Variants in STK32A observed in about 807,000 individuals in gnomAD.
STK32A encodes the protein serine/threonine kinase 32A, also known as serine/threonine-protein kinase 32A.
A neutral mutation model predicts 53.2 loss-of-function variants in STK32A; 41 were observed. The observed-to-expected ratio is 0.77, with a 90% CI of 0.60 to 1.00. The LOEUF is 1.00. STK32A is among the 50% of genes least tolerant of loss of function. The pLI is 0.00. For missense variants in STK32A, 458 were observed against 485.8 expected (o/e 0.94, Z 0.54); for synonymous variants, 166 against 162.8 (o/e 1.02, Z -0.15).
intron 4 of STK32A, among the ~76,000 whole-genome samples, chr5:147,280,455 G>T (rs1029896722): frequency 2.0e-5 from 3 of 151,798 alleles, no homozygotes; most frequent in Admixed American, 1.3e-4. Flanking sequence ...TGGAAAGCAC[G>T]GTGGGAGTGA....
chr5:147,240,210 A>T (rs925450223), intron 2 of STK32A: 1 of 152,692 alleles, frequency 6.5e-6, no homozygotes, highest in Non-Finnish European at 1.5e-5. Flanking sequence ...ACTCAGCAAG[A>T]CAAGAATAAA....
intron 2 of STK32A, among the ~76,000 whole-genome samples, chr5:147,265,966 A>G (rs1057161322): frequency 6.6e-6 from 1 of 152,126 alleles, no homozygotes; most frequent in Non-Finnish European, 1.5e-5. Flanking sequence ...AAATCACGCA[A>G]TATTCCTTCT....
chr5:147,318,775 CA>C (rs5872017), intron 4 of STK32A, among the ~76,000 whole-genome samples: 69,545 of 135,322 alleles, frequency 0.51, 17,372 homozygotes, highest in Middle Eastern at 0.59. Context: ...GACCCTGTCT[CA>C]AAAAAAAAAA....
At chr5:147,336,459 C>T (rs1755129187) in intron 5 of STK32A, among the ~76,000 whole-genome samples, 1 of 152,098 alleles carries the variant, frequency 6.6e-6, no homozygotes, top group Non-Finnish European at 1.5e-5. Flanking sequence ...GATGACTGTG[C>T]TGTTCTGGTT....
At chr5:147,236,839 C>T (rs1753345327) in intron 1 of STK32A, among the ~76,000 whole-genome samples, 1 of 152,074 alleles carries the variant, frequency 6.6e-6, no homozygotes, top group Admixed American at 6.5e-5. Context: ...AAGGTCAGTG[C>T]TTGGTATATC....
At chr5:147,400,738 G>A in the STK32A span, 36 of 1,614,044 alleles carry the variant, frequency 2.2e-5, no homozygotes, top group Non-Finnish European at 2.9e-5. Flanking sequence ...CACACCATTG[G>A]TGCCCTCAGG....
intron 2 of STK32A, among the ~76,000 whole-genome samples, chr5:147,249,861 C>T (rs950717579): frequency 7.8e-6 from 1 of 128,076 alleles, no homozygotes; most frequent in Non-Finnish European, 1.5e-5. Context: ...TTCAGTGAGC[C>T]GAGATCTACT....
chr5:147,287,467 G>A (rs1379295796), intron 4 of STK32A, among the ~76,000 whole-genome samples: 1 of 152,118 alleles, frequency 6.6e-6, no homozygotes, highest in Non-Finnish European at 1.5e-5. Flanking sequence ...GGAGAAATCA[G>A]TACATAAAAC....
At position 147,383,876 on chromosome 5, in the gene STK32A, C is replaced by T. The variant is rs7727024; in HGVS notation, c.1098-14C>T. The T allele has an allele frequency of 0.011, 15,419 of 1,433,986 alleles. 1,177 individuals carry two copies. The African/African-American group carries it at 0.2, about 18-fold the overall frequency. The allele number at this position is 1,433,986 out of a possible 1,614,324, so 88.8% of individuals were successfully genotyped here. A position where few individuals can be genotyped will look rare whatever the true frequency, so the allele number is the denominator to read the frequency against. On this transcript the variant is annotated splice_polypyrimidine_tract_variant and intron_variant, in intron 12 of 12. Transcript: ENST00000397936. ...CAAAGAATAAAACATCTTTTTTTTTCTTTTCTTTTTAAGAGTAAACAGGGA... is the reference window on the plus strand; with the variant it reads ...CAAAGAATAAAACATCTTTTTTTTTTTTTTCTTTTTAAGAGTAAACAGGGA...
At chr5:147,373,613 G>C (rs183341906) in intron 10 of STK32A, among the ~76,000 whole-genome samples, 1 of 151,828 alleles carries the variant, frequency 6.6e-6, no homozygotes, top group East Asian at 1.9e-4. Flanking sequence ...AATCTGCTGG[G>C]GTTTTTTTTA....
At chr5:147,325,211 G>A (rs1169297955) in intron 5 of STK32A, among the ~76,000 whole-genome samples, 2 of 152,134 alleles carry the variant, frequency 1.3e-5, no homozygotes, top group Non-Finnish European at 2.9e-5. Flanking sequence ...AGAATTTGCT[G>A]AGATTTTAAG....
chr5:147,241,305 C>T (rs551349746), intron 2 of STK32A, among the ~76,000 whole-genome samples: 3 of 152,230 alleles, frequency 2.0e-5, no homozygotes, highest in South Asian at 2.1e-4. Context: ...GGTGAAACCC[C>T]GTCTCTACTA....
At chr5:147,370,067 C>A (rs1212472313) in intron 8 of STK32A, among the ~76,000 whole-genome samples, 1 of 152,064 alleles carries the variant, frequency 6.6e-6, no homozygotes, top group African/African-American at 2.4e-5. Context: ...GTTCTTCCCC[C>A]AAAATTTTTT....
rs186641589 is a variant in STK32A, at chr5:147,380,792, T to C, written c.1033-2649T>C. 1.1e-3 allele frequency among the ~76,000 whole-genome samples: 172 copies of C among 152,356 alleles called. 1 individual carries two copies. The highest frequency in any genetic ancestry group is 2.0e-3 in the Non-Finnish European group (137 of 68,030). On this transcript the variant is annotated intron_variant, in intron 11 of 12. Transcript: ENST00000397936. ...AGTACCATTGTTGAGGGGAACATTCTATCAGGATTCAGTATAGAGAGATAT... is the reference window on the plus strand; with the variant it reads ...AGTACCATTGTTGAGGGGAACATTCCATCAGGATTCAGTATAGAGAGATAT...
chr5:147,395,610 GAGT>G, the STK32A span: 1 of 1,613,992 alleles, frequency 6.2e-7, no homozygotes, highest in Non-Finnish European at 8.5e-7. Context: ...GGGTTCGGCC[GAGT>G]AGGAGAGCCC....
At chr5:147,293,833 T>C (rs1752727243) in intron 4 of STK32A, among the ~76,000 whole-genome samples, 2 of 151,928 alleles carry the variant, frequency 1.3e-5, no homozygotes, top group Non-Finnish European at 2.9e-5. Flanking sequence ...CTTTTTGAAG[T>C]TTAATCAAAA....
chr5:147,337,571 G>T (rs1755198147), intron 5 of STK32A, among the ~76,000 whole-genome samples: 1 of 151,976 alleles, frequency 6.6e-6, no homozygotes, highest in Admixed American at 6.6e-5. Context: ...CAGGGGGCTG[G>T]GATTCATTCA....
chr5:147,357,312 A>T (rs12332485), intron 7 of STK32A, among the ~76,000 whole-genome samples: 1 of 151,906 alleles, frequency 6.6e-6, no homozygotes, highest in Admixed American at 6.5e-5. Context: ...AATATCTTTA[A>T]TTGTCCCAAA....
intron 4 of STK32A, among the ~76,000 whole-genome samples, chr5:147,289,277 A>C (rs551811768): frequency 2.6e-5 from 4 of 152,324 alleles, no homozygotes; most frequent in Admixed American, 2.0e-4. Context: ...ATTTATCTTT[A>C]CCACCCGAAA....
Sources: allele counts gnomAD v4.1 joint callset (sites outside exome capture counted in the v4.1 genomes callset), GRCh38; gene constraint gnomAD v4.1.1; transcripts MANE v1.5; gene names NCBI Gene and HGNC (gene_info 2026-07-23, HGNC 2026-07-21).